The following NAALADL2 variants were observed in gnomAD, a reference collection of about 807,000 sequenced individuals.
NAALADL2 encodes inactive N-acetylated-alpha-linked acidic dipeptidase-like protein 2.
In NAALADL2, 76 loss-of-function variants were observed where a neutral mutation model predicts 87.2. The ratio of observed to expected loss-of-function variants is 0.87; its 90% CI spans 0.72 to 1.05. The LOEUF (loss-of-function observed/expected upper bound fraction) is 1.05. NAALADL2 is among the 50% of genes least tolerant of loss of function. NAALADL2 has a pLI of 0.00. For synonymous variants in NAALADL2, 354 were observed against 331.0 expected (o/e 1.07, Z -0.75); for missense variants, 1,089 against 945.8 (o/e 1.15, Z -1.99).
At chr3:175,070,973 G>C (rs189954806) in intron 1 of NAALADL2, among the ~76,000 whole-genome samples, 1 of 152,122 alleles carries the variant, frequency 6.6e-6, no homozygotes, top group African/African-American at 2.4e-5. Flanking sequence ...TTATAAAATA[G>C]ATGTCATTCA....
chr3:174,936,522 AG>A (rs1457099005), intron 1 of NAALADL2, among the ~76,000 whole-genome samples: 1 of 152,102 alleles, frequency 6.6e-6, no homozygotes, highest in Non-Finnish European at 1.5e-5. Context: ...ATATTACTAA[AG>A]GTCGCTTGAT....
chr3:174,580,149 T>A (rs1715999220), intron 2 of NAALADL2, among the ~76,000 whole-genome samples: 1 of 152,084 alleles, frequency 6.6e-6, no homozygotes, highest in Non-Finnish European at 1.5e-5. Context: ...TACAAGTATT[T>A]AATCTTGCAG....
At chr3:174,967,835 C>T (rs1317184070) in intron 1 of NAALADL2, among the ~76,000 whole-genome samples, 1 of 152,126 alleles carries the variant, frequency 6.6e-6, no homozygotes, top group Non-Finnish European at 1.5e-5. Flanking sequence ...GAATTGTGAA[C>T]AAATAAAATG....
At chr3:175,355,172 G>A (rs1015891665) in intron 5 of NAALADL2, among the ~76,000 whole-genome samples, 3 of 151,432 alleles carry the variant, frequency 2.0e-5, no homozygotes, top group Non-Finnish European at 4.4e-5. Flanking sequence ...GGGTTCAAGC[G>A]ATTCTCCTGC....
chr3:174,664,361 A>T (rs1171380679), intron 2 of NAALADL2, among the ~76,000 whole-genome samples: 1 of 152,224 alleles, frequency 6.6e-6, no homozygotes, highest in Non-Finnish European at 1.5e-5. Context: ...GATTGGGGCT[A>T]AACAAATAGT....
chr3:175,034,519 C>A (rs1185915332), intron 1 of NAALADL2, among the ~76,000 whole-genome samples: 2 of 152,124 alleles, frequency 1.3e-5, no homozygotes, highest in Non-Finnish European at 2.9e-5. Flanking sequence ...CAAGTCTCTA[C>A]TCAAATGACA....
intron 10 of NAALADL2, among the ~76,000 whole-genome samples, chr3:175,608,189 G>A (rs994215418): frequency 1.3e-5 from 2 of 148,632 alleles, no homozygotes; most frequent in Non-Finnish European, 3.0e-5. Context: ...GTGGGACATG[G>A]CATTTAATTT....
rs1754484384 is a variant in NAALADL2, at chr3:175,803,947, A to G, written c.*744A>G. 6.6e-6 allele frequency: 1 copy of G among 152,274 alleles called. No individual in the cohort carries two copies. The highest frequency in any genetic ancestry group is 1.5e-5 in the Non-Finnish European group (1 of 67,850). 9.4% of individuals were successfully genotyped at this position (152,274 alleles called of 1,614,324 possible). On this transcript the variant is annotated 3_prime_UTR_variant, in exon 14 of 14. Transcript: ENST00000454872. ...TGATTTTCTAAGAATTTCAGGAGTG[A>G]TGTATGTCTTAAGAGGGAGAAAAAA...
At chr3:175,248,702 T>C (rs1318048254) in intron 3 of NAALADL2, among the ~76,000 whole-genome samples, 1 of 152,190 alleles carries the variant, frequency 6.6e-6, no homozygotes, top group Non-Finnish European at 1.5e-5. Context: ...CCGTGGCCAC[T>C]GTGTGAATGT....
chr3:174,620,967 T>G (rs747156491), intron 2 of NAALADL2, among the ~76,000 whole-genome samples: 15 of 152,098 alleles, frequency 9.9e-5, no homozygotes, highest in Admixed American at 3.3e-4. Context: ...TTTTGACACT[T>G]TATTTTACTG....
intron 2 of NAALADL2, among the ~76,000 whole-genome samples, chr3:174,664,080 C>T (rs1422299886): frequency 2.6e-5 from 4 of 152,134 alleles, no homozygotes; most frequent in South Asian, 2.1e-4. Flanking sequence ...TGAGCCACCA[C>T]GCCTGGCTAT....
At chr3:174,836,123 CGTT>C (rs1288983783) in intron 3 of NAALADL2, among the ~76,000 whole-genome samples, 1 of 152,048 alleles carries the variant, frequency 6.6e-6, no homozygotes, top group Non-Finnish European at 1.5e-5. Flanking sequence ...AATAGATAAA[CGTT>C]GTATACAGTG....
chr3:174,938,363 T>C (rs1218614576), intron 1 of NAALADL2, among the ~76,000 whole-genome samples: 1 of 152,162 alleles, frequency 6.6e-6, no homozygotes, highest in Non-Finnish European at 1.5e-5. Flanking sequence ...ATCTCCTTCC[T>C]TTCATGGCTG....
intron 1 of NAALADL2, among the ~76,000 whole-genome samples, chr3:174,886,066 A>G (rs2109755441): frequency 6.6e-6 from 1 of 151,502 alleles, no homozygotes; most frequent in Non-Finnish European, 1.5e-5. Flanking sequence ...GGCACCTGCC[A>G]CCACGCCCAG....
chr3:174,767,044 G>T (rs1244916051), intron 3 of NAALADL2, among the ~76,000 whole-genome samples: 3 of 152,160 alleles, frequency 2.0e-5, no homozygotes, highest in Admixed American at 2.0e-4. Context: ...TGGTAGCCCT[G>T]GTGTTGCACC....
intron 5 of NAALADL2, among the ~76,000 whole-genome samples, chr3:175,419,150 T>C (rs1715210678): frequency 6.6e-6 from 1 of 151,874 alleles, no homozygotes; most frequent in Non-Finnish European, 1.5e-5. Flanking sequence ...ATAATCATTT[T>C]ACATGCTGCC....
intron 4 of NAALADL2, among the ~76,000 whole-genome samples, chr3:175,294,875 G>A (rs994333023): frequency 2.6e-5 from 4 of 152,196 alleles, no homozygotes; most frequent in Admixed American, 6.5e-5. Context: ...TGCCATGCAT[G>A]TGAGTCGCTA....
intron 13 of NAALADL2, among the ~76,000 whole-genome samples, chr3:175,776,601 A>G (rs1191278369): frequency 1.3e-5 from 2 of 152,116 alleles, no homozygotes; most frequent in African/African-American, 4.8e-5. Context: ...GTCCCTTTAC[A>G]TTAAGAAACA....
At chr3:174,699,895 T>C (rs1351097468) in intron 2 of NAALADL2, among the ~76,000 whole-genome samples, 1 of 149,154 alleles carries the variant, frequency 6.7e-6, no homozygotes, top group African/African-American at 2.5e-5. Context: ...TTTTGGGGAA[T>C]TACTGATCTT....
Sources: allele counts gnomAD v4.1 joint callset (sites outside exome capture counted in the v4.1 genomes callset), GRCh38; gene constraint gnomAD v4.1.1; transcripts MANE v1.5; gene names NCBI Gene and HGNC (gene_info 2026-07-23, HGNC 2026-07-21).